The following DAP variants were observed in gnomAD, a reference collection of about 807,000 sequenced individuals.
The protein encoded by DAP is death associated protein, also known as death-associated protein 1.
In DAP, 8 loss-of-function variants were observed where a neutral mutation model predicts 13.8. The ratio of observed to expected loss-of-function variants is 0.58; its 90% CI spans 0.34 to 1.05. The LOEUF is 1.05. Ranked by LOEUF, DAP falls within the 50% of genes least tolerant of loss-of-function variation. The pLI is 0.03. For missense variants in DAP, 106 were observed against 133.2 expected, an observed-to-expected ratio of 0.80 and a Z score of 1.01; for synonymous variants, 47 against 47.5, an observed-to-expected ratio of 0.99 and a Z score of 0.04.
At chr5:10,681,727 GTCCCTACAGGAAGCATGGCA>G (rs1738011135) in intron 3 of DAP, among the ~76,000 whole-genome samples, 1 of 150,226 alleles carries the variant, frequency 6.7e-6, no homozygotes, top group African/African-American at 2.5e-5. Context: ...GCCCACCAGC[GTCCCTACAGGAAGCATGGCA>G]GTTGTATGTG....
chr5:10,726,389 G>A lies in DAP; in HGVS notation c.152+21786C>T, dbSNP rs57412017. 3.9e-3 allele frequency among the ~76,000 whole-genome samples: 595 copies of A among 152,330 alleles called. 4 individuals carry two copies. Among genetic ancestry groups the A allele is most frequent in the African/African-American group, 0.013 (545 of 41,580 alleles). On this transcript the variant is annotated intron_variant, in intron 2 of 3. Transcript: ENST00000230895. ...ATAAGTGCTGCTCACAGCGTGGTGG[G>A]GAACAAGCAGCACCACTAACTCTGG... is the stretch of plus-strand genomic sequence containing the variant.
chr5:10,749,717 T>A (rs1333577812), intron 1 of DAP, among the ~76,000 whole-genome samples: 4 of 149,144 alleles, frequency 2.7e-5, no homozygotes, highest in Non-Finnish European at 1.5e-5. Context: ...GCTTGCCAGC[T>A]CTCCCCAGCC....
intron 2 of DAP, among the ~76,000 whole-genome samples, chr5:10,745,540 T>C (rs1739878084): frequency 6.6e-6 from 1 of 152,212 alleles, no homozygotes. Flanking sequence ...GCTCGATCTT[T>C]CCTCTTCAAC....
chr5:10,736,528 G>C (rs1030368669), intron 2 of DAP, among the ~76,000 whole-genome samples: 2 of 152,188 alleles, frequency 1.3e-5, no homozygotes, highest in Admixed American at 1.3e-4. Context: ...CAGCAGACTC[G>C]GCTGCCGTCA....
chr5:10,686,154 G>A (rs1738150344), intron 2 of DAP, among the ~76,000 whole-genome samples: 1 of 152,194 alleles, frequency 6.6e-6, no homozygotes, highest in South Asian at 2.1e-4. Context: ...ATATAAGATG[G>A]TAAACTTAAT....
intron 2 of DAP, among the ~76,000 whole-genome samples, chr5:10,711,204 G>A (rs1738842740): frequency 6.6e-6 from 1 of 152,244 alleles, no homozygotes; most frequent in African/African-American, 2.4e-5. Context: ...GAAGGTAGGT[G>A]TGAGCAGACC....
intron 1 of DAP, 107 bp from the exon 2 acceptor site, chr5:10,748,378 T>C: frequency 1.2e-6 from 1 of 812,104 alleles, no homozygotes. Context: ...CAAGTCAGTC[T>C]GGAGAATCTG....
chr5:10,736,610 T>G (rs577735182), intron 2 of DAP, among the ~76,000 whole-genome samples: 3 of 152,296 alleles, frequency 2.0e-5, no homozygotes, highest in Non-Finnish European at 2.9e-5. Flanking sequence ...AACGCTTCCT[T>G]TTACCACTCC....
intron 1 of DAP, among the ~76,000 whole-genome samples, 196 bp downstream of exon 1, chr5:10,760,818 G>A (rs1189895553): frequency 6.6e-6 from 1 of 152,010 alleles, no homozygotes; most frequent in Non-Finnish European, 1.5e-5. Flanking sequence ...GGCAAGCGGG[G>A]CCGAAGCTCC....
At chr5:10,682,336 C>T (rs1218057039) in intron 3 of DAP, among the ~76,000 whole-genome samples, 1 of 140,648 alleles carries the variant, frequency 7.1e-6, no homozygotes, top group Non-Finnish European at 1.5e-5. Context: ...GGAAGCATGG[C>T]GGTTGTATAT....
Position 10,680,455 on chromosome 5 carries a change from T to C in DAP, c.*601A>G, listed in dbSNP as rs542310040. 5.5e-5 allele frequency: 26 copies of C among 474,028 alleles called. No homozygotes were observed. The South Asian group carries it at 7.3e-4, about 13-fold the overall frequency. The allele number at this position is 474,028 out of a possible 1,614,324, so 29.4% of individuals were successfully genotyped here. ...TTCTTTGGCATGTTGACTCCTGGAA[T>C]TGAGGGGCTATTTCTAAGATGCATG... is the stretch of plus-strand genomic sequence containing the variant. On this transcript the variant is annotated 3_prime_UTR_variant, in exon 4 of 4. Coordinates refer to ENST00000230895, the MANE Select transcript of DAP (RefSeq NM_004394.3).
chr5:10,684,125 A>G (rs1231198832), intron 2 of DAP, among the ~76,000 whole-genome samples: 1 of 152,140 alleles, frequency 6.6e-6, no homozygotes, highest in Non-Finnish European at 1.5e-5. Flanking sequence ...TGCCCAGCCT[A>G]TTTTTGTTTT....
intron 1 of DAP, among the ~76,000 whole-genome samples, chr5:10,749,743 CTTTTTTT>C (rs34643253): frequency 1.8e-4 from 21 of 118,632 alleles, no homozygotes; most frequent in Middle Eastern, 4.5e-3. Context: ...GACCACACAA[CTTTTTTT>C]TTTTTTTTTT....
intron 2 of DAP, among the ~76,000 whole-genome samples, chr5:10,690,241 C>T (rs1486266585): frequency 1.3e-5 from 2 of 152,236 alleles, no homozygotes; most frequent in East Asian, 1.9e-4. Flanking sequence ...TCAAGGCAAA[C>T]GTTCTTCCTA....
chr5:10,738,421 C>T (rs2964789), intron 2 of DAP, among the ~76,000 whole-genome samples: 44,590 of 152,134 alleles, frequency 0.29, 6,600 homozygotes, highest in Middle Eastern at 0.37. Context: ...CTGGCATCAC[C>T]GGCCATGAGA....
chr5:10,746,798 A>G (rs1223791212), intron 2 of DAP, among the ~76,000 whole-genome samples: 1 of 152,154 alleles, frequency 6.6e-6, no homozygotes, highest in Non-Finnish European at 1.5e-5. Context: ...CTCATACTGT[A>G]TCAGGTTTTA....
At chr5:10,750,797 G>A (rs1230235141) in intron 1 of DAP, among the ~76,000 whole-genome samples, 2 of 152,172 alleles carry the variant, frequency 1.3e-5, no homozygotes, top group Admixed American at 6.5e-5. Context: ...ACTTGGAGGA[G>A]GAATCTGTCT....
intron 2 of DAP, among the ~76,000 whole-genome samples, chr5:10,684,356 G>A (rs535725233): frequency 1.3e-5 from 2 of 152,240 alleles, no homozygotes; most frequent in East Asian, 3.9e-4. Context: ...CAATCCCTGA[G>A]CATTACAAAT....
intron 2 of DAP, among the ~76,000 whole-genome samples, chr5:10,744,853 C>A (rs1413008279): frequency 1.3e-5 from 2 of 152,058 alleles, no homozygotes; most frequent in South Asian, 2.1e-4. Flanking sequence ...CGTAAGGAAT[C>A]CAGAAGCTGC....
Sources: gnomAD v4.1 joint callset for allele counts (sites outside exome capture counted in the v4.1 genomes callset) on GRCh38, gnomAD v4.1.1 for gene constraint, MANE v1.5 for transcripts, NCBI Gene and HGNC (gene_info 2026-07-23, HGNC 2026-07-21) for gene names.